The following CARMIL1 variants were observed in gnomAD, a reference collection of about 807,000 sequenced individuals.
CARMIL1 encodes F-actin-uncapping protein LRRC16A.
Under a neutral mutation model 177.1 loss-of-function variants are expected in CARMIL1, and 90 were observed. The ratio of observed to expected loss-of-function variants is 0.51; its 90% CI spans 0.43 to 0.61. The LOEUF (loss-of-function observed/expected upper bound fraction) is 0.61, where lower values mean the gene tolerates loss of function less well. CARMIL1 is among the 20% of genes least tolerant of loss of function. The pLI, the probability that CARMIL1 is intolerant of heterozygous loss-of-function variation, is 0.00. For missense variants in CARMIL1, 1,380 were observed against 1,667.0 expected, an observed-to-expected ratio of 0.83 and a Z score of 3.00; for synonymous variants, 577 against 606.2, an observed-to-expected ratio of 0.95 and a Z score of 0.71.
Position 25,581,361 on chromosome 6 carries a change from T to C in CARMIL1, c.2928T>C (p.Ser976=). ...RSSGFISELP[S]EEGKKLEHFT... ...CGGGATTTATCTCTGAGTTGCCCTCTGAAGAGGGGAAGAAGCTGGAACACT... is the reference window on the plus strand; with the variant it reads ...CGGGATTTATCTCTGAGTTGCCCTCCGAAGAGGGGAAGAAGCTGGAACACT... The change falls in exon 31 of 37, where the codon TCT becomes TCC. Residue 976 remains serine (S), a synonymous_variant. Transcript: ENST00000329474. 11 of 1,613,750 alleles carry C rather than the reference T, an allele frequency of 6.8e-6. No homozygotes were observed. Among genetic ancestry groups the C allele is most frequent in the Non-Finnish European group, 9.3e-6 (11 of 1,179,812 alleles).
At chr6:25,460,075 T>C (rs1799999025) in intron 8 of CARMIL1, among the ~76,000 whole-genome samples, 2 of 152,212 alleles carry the variant, frequency 1.3e-5, no homozygotes, top group Non-Finnish European at 2.9e-5. Flanking sequence ...TTTCCCCTTA[T>C]GTCAATTAAT....
intron 8 of CARMIL1, among the ~76,000 whole-genome samples, chr6:25,461,457 T>C (rs1297230534): frequency 1.3e-5 from 2 of 152,244 alleles, no homozygotes; most frequent in Non-Finnish European, 1.5e-5. Context: ...TGCTTGATGC[T>C]GGCTGGCTGC....
chr6:25,498,499 A>C (rs1803966672), intron 16 of CARMIL1, among the ~76,000 whole-genome samples: 1 of 152,088 alleles, frequency 6.6e-6, no homozygotes, highest in Admixed American at 6.5e-5. Context: ...TCTATAGTTA[A>C]ATGCCTTAAA....
intron 2 of CARMIL1, among the ~76,000 whole-genome samples, chr6:25,397,167 A>C (rs1005505636): frequency 2.0e-5 from 3 of 152,206 alleles, no homozygotes; most frequent in Non-Finnish European, 2.9e-5. Flanking sequence ...TGCTGCAAAG[A>C]ATTAAGCATT....
intron 30 of CARMIL1, 24 bp from the exon 31 acceptor site, chr6:25,581,219 T>C: frequency 1.3e-6 from 2 of 1,591,076 alleles, no homozygotes; most frequent in Non-Finnish European, 1.7e-6. Flanking sequence ...GGCTGTTTTT[T>C]TGTTTTTTTG....
At chr6:25,332,675 GT>G (rs1471980768) in intron 2 of CARMIL1, among the ~76,000 whole-genome samples, 4 of 151,564 alleles carry the variant, frequency 2.6e-5, no homozygotes, top group Non-Finnish European at 4.4e-5. Flanking sequence ...ATGTCATTTA[GT>G]TTTCCAGAGC....
intron 11 of CARMIL1, 84 bp from the exon 12 acceptor site, chr6:25,482,173 C>A: frequency 1.4e-6 from 1 of 697,004 alleles, no homozygotes; most frequent in South Asian, 1.7e-5. Context: ...CAGTCAGAAT[C>A]AAAATTAAGT....
In CARMIL1 at chr6:25,492,551, A is replaced by C. The variant is rs1000828400; in HGVS notation, c.1220+527A>C. Among the ~76,000 whole-genome samples, 5 of 152,226 alleles carry C rather than the reference A, an allele frequency of 3.3e-5. No homozygotes were observed. The South Asian group carries it at 6.2e-4, about 19-fold the overall frequency. On this transcript the variant is annotated intron_variant, in intron 15 of 36. Transcript: ENST00000329474. ...GCAACTTAGAATGCAAAGAGACTGCAGAGGAATTATCAGAGGAATTATGAA... is the reference window on the plus strand; with the variant it reads ...GCAACTTAGAATGCAAAGAGACTGCCGAGGAATTATCAGAGGAATTATGAA...
intron 2 of CARMIL1, among the ~76,000 whole-genome samples, chr6:25,397,313 G>A (rs371756429): frequency 6.6e-6 from 1 of 152,162 alleles, no homozygotes; most frequent in East Asian, 1.9e-4. Flanking sequence ...TGCCAAGGGG[G>A]CCTTGCAGGC....
Position 25,613,443 on chromosome 6 carries a change from G to A in CARMIL1, c.3979+3262G>A, listed in dbSNP as rs562501863. On this transcript the variant is annotated intron_variant, in intron 36 of 36. Transcript: ENST00000329474. ...GTACCATTTAACTTGTCAACCATCAGGAACAATTTATTCCACTTTTTAGGA... is the reference window on the plus strand; with the variant it reads ...GTACCATTTAACTTGTCAACCATCAAGAACAATTTATTCCACTTTTTAGGA... Among the ~76,000 whole-genome samples the A allele has an allele frequency of 2.0e-5, 3 of 152,248 alleles. No individual in the cohort carries two copies. In the East Asian group the frequency reaches 5.8e-4, roughly 29 times the overall value.
intron 10 of CARMIL1, 130 bp downstream of exon 10, chr6:25,471,387 GA>G (rs536054698): frequency 6.4e-5 from 37 of 576,874 alleles, no homozygotes; most frequent in African/African-American, 4.7e-4. Flanking sequence ...TTCCTTCTGG[GA>G]AAAAAATATC....
chr6:25,385,320 G>A (rs1454179535), intron 2 of CARMIL1, among the ~76,000 whole-genome samples: 2 of 152,218 alleles, frequency 1.3e-5, no homozygotes, highest in Admixed American at 1.3e-4. Flanking sequence ...TGCTGGTGAG[G>A]TGTGGGGAAG....
chr6:25,545,366 G>A (rs997791275), intron 26 of CARMIL1, among the ~76,000 whole-genome samples: 1 of 152,052 alleles, frequency 6.6e-6, no homozygotes, highest in African/African-American at 2.4e-5. Flanking sequence ...AATGACAAAT[G>A]GTCCAGTTTT....
intron 1 of CARMIL1, among the ~76,000 whole-genome samples, chr6:25,284,001 A>T (rs1026597202): frequency 6.6e-6 from 1 of 152,062 alleles, no homozygotes; most frequent in Non-Finnish European, 1.5e-5. Flanking sequence ...TACAGACGTG[A>T]GCCAACGTGC....
intron 32 of CARMIL1, among the ~76,000 whole-genome samples, chr6:25,596,879 G>A (rs1019904342): frequency 5.9e-5 from 7 of 118,976 alleles, no homozygotes; most frequent in South Asian, 5.6e-4. Context: ...ACACACACAC[G>A]TACTCATGTA....
intron 2 of CARMIL1, among the ~76,000 whole-genome samples, chr6:25,296,893 TTATCTATC>T (rs6149486): frequency 2.3e-5 from 2 of 85,938 alleles, no homozygotes; most frequent in South Asian, 4.5e-4. Flanking sequence ...ATATCTATCT[TTATCTATC>T]TATCTATCTA....
At chr6:25,596,372 A>G (rs1458482226) in intron 32 of CARMIL1, among the ~76,000 whole-genome samples, 1 of 152,176 alleles carries the variant, frequency 6.6e-6, no homozygotes, top group Non-Finnish European at 1.5e-5. Flanking sequence ...AAAATCATGA[A>G]GTAGTACGAA....
intron 4 of CARMIL1, among the ~76,000 whole-genome samples, chr6:25,430,520 C>T (rs115754544): frequency 0.014 from 2,094 of 151,160 alleles, 52 homozygotes; most frequent in African/African-American, 0.045. Flanking sequence ...ACCTTCGCTT[C>T]TCGGGACCAA....
At chr6:25,472,366 A>G in intron 10 of CARMIL1, 61 bp from the exon 11 acceptor site, 1 of 1,148,076 alleles carries the variant, frequency 8.7e-7, no homozygotes, top group South Asian at 1.3e-5. Flanking sequence ...TAAGCTTTAA[A>G]TGTTCCGTTC....
Sources: gnomAD v4.1 joint callset for allele counts (sites outside exome capture counted in the v4.1 genomes callset) on GRCh38, gnomAD v4.1.1 for gene constraint, MANE v1.5 for transcripts, NCBI Gene and HGNC (gene_info 2026-07-23, HGNC 2026-07-21) for gene names.